WFDC11: variants seen among roughly 807,000 people sequenced by gnomAD.
WFDC11 encodes protein WFDC11.
A neutral mutation model predicts 9.9 loss-of-function variants in WFDC11; 9 were observed. The ratio of observed to expected loss-of-function variants is 0.91; its 90% CI spans 0.55 to 1.58. The LOEUF is 1.58. WFDC11 is among the 40% of genes most tolerant of loss of function. The probability of loss-of-function intolerance (pLI) is 0.00; values close to 1 mark genes in which losing one functional copy is unlikely to be tolerated. For missense variants in WFDC11, 106 were observed against 101.7 expected, an observed-to-expected ratio of 1.04 and a Z score of -0.18; for synonymous variants, 32 against 33.3, an observed-to-expected ratio of 0.96 and a Z score of 0.13.
chr20:45,660,186 T>C (rs760659065), intron 2 of WFDC11, among the ~76,000 whole-genome samples: 8 of 152,202 alleles, frequency 5.3e-5, no homozygotes, highest in Non-Finnish European at 7.3e-5. Flanking sequence ...CTGCCTTTGC[T>C]TTATCCCAGA....
rs748608138 is a variant in WFDC11, at chr20:45,648,704, T to C, written c.*15A>G. 2.4e-5 allele frequency: 39 copies of C among 1,614,022 alleles called. No individual in the cohort carries two copies. Among genetic ancestry groups the C allele is most frequent in the Admixed American group, 3.3e-5 (2 of 60,002 alleles). On this transcript the variant is annotated 3_prime_UTR_variant, in exon 5 of 5. Transcript: ENST00000324384. ...CCAGCCCACACAGGTGGCAGCCTGG[T>C]GGGAAGCTACGGTTTTAGTAATCTC...
At position 45,667,134 on chromosome 20, in the gene WFDC11, G is replaced by A. The variant is rs1983202911; in HGVS notation, c.-98C>T. The A allele has an allele frequency of 6.6e-6, 1 of 152,208 alleles. No individual in the cohort carries two copies. The highest frequency in any genetic ancestry group is 1.5e-5 in the Non-Finnish European group (1 of 68,072). 9.4% of individuals were successfully genotyped at this position (152,208 alleles called of 1,614,324 possible). On this transcript the variant is annotated 5_prime_UTR_variant, in exon 2 of 5. Coordinates refer to ENST00000324384, the MANE Select transcript of WFDC11 (RefSeq NM_147197.2). ...AGGTGCTGAAACCTATTTGACTGGT[G>A]GCTCTTCTTCCTTGCCTCTAGGAAC...
At chr20:45,656,288 T>G (rs1982929994) in intron 2 of WFDC11, among the ~76,000 whole-genome samples, 1 of 152,034 alleles carries the variant, frequency 6.6e-6, no homozygotes, top group Non-Finnish European at 1.5e-5. Flanking sequence ...ACCACACATC[T>G]ACAACCATCT....
chr20:45,669,522 A>T lies in WFDC11; in HGVS notation c.-134+656T>A, dbSNP rs187836813. Reference sequence around the variant, plus strand: ...AGACATCAATACCAAGAGCTCTCAAAACCACACACTTACATGTGCTTGTTA... The same window carrying T: ...AGACATCAATACCAAGAGCTCTCAATACCACACACTTACATGTGCTTGTTA... On this transcript the variant is annotated intron_variant, in intron 1 of 4. Coordinates refer to ENST00000324384, the MANE Select transcript of WFDC11 (RefSeq NM_147197.2). Among the ~76,000 whole-genome samples the T allele has an allele frequency of 3.9e-5, 6 of 152,318 alleles. No individual in the cohort carries two copies. In the East Asian group the frequency reaches 1.2e-3, roughly 29 times the overall value.
intron 2 of WFDC11, among the ~76,000 whole-genome samples, chr20:45,650,934 G>A (rs6073832): frequency 6.6e-6 from 1 of 152,094 alleles, no homozygotes; most frequent in Non-Finnish European, 1.5e-5. Context: ...GTTTATTTTA[G>A]GTTTGGGGTA....
Position 45,670,219 on chromosome 20 carries a change from T to C in WFDC11, c.-175A>G, listed in dbSNP as rs1429936195. 2 of 152,050 alleles carry C rather than the reference T, an allele frequency of 1.3e-5. No homozygotes were observed. Among genetic ancestry groups the C allele is most frequent in the African/African-American group, 4.8e-5 (2 of 41,390 alleles). 9.4% of individuals were successfully genotyped at this position (152,050 alleles called of 1,614,324 possible). A position where few individuals can be genotyped will look rare whatever the true frequency, so the allele number is the denominator to read the frequency against. On this transcript the variant is annotated 5_prime_UTR_variant, in exon 1 of 5. Coordinates refer to ENST00000324384, the MANE Select transcript of WFDC11 (RefSeq NM_147197.2). ...TGGACCAGATGGATTCACAGCCAAA[T>C]TCTACCAGACATATAAAGAAGAGCT...
chr20:45,662,588 G>A (rs558220350), intron 2 of WFDC11, among the ~76,000 whole-genome samples: 23 of 152,232 alleles, frequency 1.5e-4, no homozygotes, highest in African/African-American at 4.6e-4. Flanking sequence ...TTTGAGATAC[G>A]TCCCATCAAT....
chr20:45,660,419 T>A (rs1241547094), intron 2 of WFDC11, among the ~76,000 whole-genome samples: 3 of 152,104 alleles, frequency 2.0e-5, no homozygotes, highest in African/African-American at 4.8e-5. Context: ...GAAATTTTAT[T>A]TTATTATTAT....
chr20:45,650,732 T>C, intron 2 of WFDC11, 81 bp from the exon 3 acceptor site: 1 of 739,370 alleles, frequency 1.4e-6, no homozygotes, highest in Non-Finnish European at 2.3e-6. Flanking sequence ...ATTCTTTATC[T>C]TCTCACTATT....
chr20:45,669,904 T>C (rs1209275275), intron 1 of WFDC11, among the ~76,000 whole-genome samples: 4 of 151,716 alleles, frequency 2.6e-5, no homozygotes, highest in Admixed American at 6.6e-5. Flanking sequence ...GTAGAATAAA[T>C]AAGACTGGTA....
chr20:45,654,068 G>C (rs561908546), intron 2 of WFDC11, among the ~76,000 whole-genome samples: 24 of 152,116 alleles, frequency 1.6e-4, no homozygotes, highest in Admixed American at 3.3e-4. Context: ...ACTCAGCTCT[G>C]CACCAAGAGG....
At chr20:45,661,995 A>C (rs1271548731) in intron 2 of WFDC11, among the ~76,000 whole-genome samples, 1 of 152,198 alleles carries the variant, frequency 6.6e-6, no homozygotes, top group African/African-American at 2.4e-5. Flanking sequence ...TTGAATCTAT[A>C]AATTACCTTG....
rs147199012 is a variant in WFDC11 at position 45,663,778 on chromosome 20, T to C, written c.-52+3310A>G. On this transcript the variant is annotated intron_variant, in intron 2 of 4. Coordinates refer to ENST00000324384, the MANE Select transcript of WFDC11 (RefSeq NM_147197.2). ...ATCTTGAATTCTAATTTGGTTGCAC[T>C]GTGGTCTGAGAGACAGTTTGTTGTG... Among the ~76,000 whole-genome samples, 26 of 152,346 alleles carry C rather than the reference T, an allele frequency of 1.7e-4. No homozygotes were observed. The East Asian group carries it at 5.0e-3, about 29-fold the overall frequency.
chr20:45,653,770 G>C (rs4812948), intron 2 of WFDC11, among the ~76,000 whole-genome samples: 28,435 of 151,904 alleles, frequency 0.19, 2,898 homozygotes, highest in East Asian at 0.32. Flanking sequence ...AAAAAGTCAG[G>C]GGTTGCAATC....
At chr20:45,655,095 A>G (rs1254739759) in intron 2 of WFDC11, among the ~76,000 whole-genome samples, 1 of 152,244 alleles carries the variant, frequency 6.6e-6, no homozygotes, top group Non-Finnish European at 1.5e-5. Context: ...GGCCAGCATC[A>G]TCCTGATACC....
chr20:45,649,349 A>G lies in WFDC11; in HGVS notation c.151T>C (p.Cys51Arg), dbSNP rs764459583. The G allele has an allele frequency of 2.4e-5, 38 of 1,614,082 alleles. No individual in the cohort carries two copies. The Admixed American group carries it at 6.2e-4, about 26-fold the overall frequency. The part of the protein sequence containing the change: ...ECWGKPNVKE[C>R]TNKCSKAFRC... ...AAGGCTTTAGAACACTTATTGGTACATTCTTTGACATTTGGCTTTCCCCAG... is the reference window on the plus strand; with the variant it reads ...AAGGCTTTAGAACACTTATTGGTACGTTCTTTGACATTTGGCTTTCCCCAG... Residue 51 changes from cysteine (C) to arginine (R), a missense_variant, in exon 4 of 5, where the codon TGT (cysteine) becomes CGT (arginine). Cys to Arg is a radical substitution (Grantham distance 180). Coordinates refer to ENST00000324384, the MANE Select transcript of WFDC11 (RefSeq NM_147197.2).
intron 2 of WFDC11, among the ~76,000 whole-genome samples, chr20:45,655,106 A>G (rs1982896783): frequency 6.6e-6 from 1 of 152,212 alleles, no homozygotes; most frequent in Non-Finnish European, 1.5e-5. Context: ...TCCTGATACC[A>G]AAGGCTGGCA....
At chr20:45,657,280 G>T (rs1204041789) in intron 2 of WFDC11, among the ~76,000 whole-genome samples, 1 of 152,080 alleles carries the variant, frequency 6.6e-6, no homozygotes, top group Non-Finnish European at 1.5e-5. Context: ...CATGTCCTTT[G>T]TAGGGACATG....
intron 2 of WFDC11, among the ~76,000 whole-genome samples, chr20:45,660,878 C>T (rs560746297): frequency 1.6e-4 from 24 of 152,278 alleles, no homozygotes; most frequent in Admixed American, 2.6e-4. Flanking sequence ...AATAAACATA[C>T]GTGTGCATGT....
Sources: allele counts gnomAD v4.1 joint callset (sites outside exome capture counted in the v4.1 genomes callset), GRCh38; gene constraint gnomAD v4.1.1; transcripts MANE v1.5; gene names NCBI Gene and HGNC (gene_info 2026-07-23, HGNC 2026-07-21).